XPO6: variants seen among roughly 807,000 people sequenced by gnomAD.
The protein encoded by XPO6 is exportin-6.
In XPO6, 3 loss-of-function variants were observed where a neutral mutation model predicts 130.0. The ratio of observed to expected loss-of-function variants is 0.02; its 90% CI spans 0.01 to 0.06. The LOEUF is 0.06. XPO6 is among the 10% of genes least tolerant of loss of function. The probability of loss-of-function intolerance (pLI) is 1.00; values close to 1 mark genes in which losing one functional copy is unlikely to be tolerated. For synonymous variants in XPO6, 524 were observed against 548.9 expected (o/e 0.95, Z 0.63); for missense variants, 970 against 1,393.0 (o/e 0.70, Z 4.83).
At chr16:28,107,419 C>A in intron 18 of XPO6, 103 bp downstream of exon 18, 1 of 1,370,860 alleles carries the variant, frequency 7.3e-7, no homozygotes, top group South Asian at 1.3e-5. Context: ...CGGAACAAGT[C>A]AAGGCCTGTA....
At chr16:28,147,901 G>A (rs1174469133) in intron 8 of XPO6, among the ~76,000 whole-genome samples, 5 of 152,156 alleles carry the variant, frequency 3.3e-5, no homozygotes, top group Admixed American at 6.5e-5. Flanking sequence ...AGCTGAGATC[G>A]TGCCACTGCA....
intron 13 of XPO6, among the ~76,000 whole-genome samples, chr16:28,125,353 A>G (rs2087369264): frequency 6.6e-6 from 1 of 152,232 alleles, no homozygotes; most frequent in South Asian, 2.1e-4. Context: ...CTGGGTCTAC[A>G]ACTGTGTTTA....
chr16:28,195,926 A>G (rs944949985), intron 1 of XPO6, among the ~76,000 whole-genome samples: 12 of 152,230 alleles, frequency 7.9e-5, no homozygotes, highest in African/African-American at 2.9e-4. Flanking sequence ...TAGGCTGGTT[A>G]TTTTTTTGAT....
At chr16:28,175,396 C>G (rs932380631) in intron 4 of XPO6, among the ~76,000 whole-genome samples, 1 of 152,138 alleles carries the variant, frequency 6.6e-6, no homozygotes, top group Non-Finnish European at 1.5e-5. Context: ...ACAATGGAAC[C>G]CCCCAACCCT....
intron 5 of XPO6, 139 bp downstream of exon 5, chr16:28,169,611 G>T: frequency 9.9e-7 from 1 of 1,014,988 alleles, no homozygotes; most frequent in Non-Finnish European, 1.5e-6. Flanking sequence ...TGGGCTATAG[G>T]TGTTGGGAAC....
At chr16:28,141,032 C>T (rs145872385) in intron 9 of XPO6, among the ~76,000 whole-genome samples, 8 of 152,344 alleles carry the variant, frequency 5.3e-5, no homozygotes, top group African/African-American at 7.2e-5. Context: ...AGAGCAAGAA[C>T]TAGAAAGCTG....
At chr16:28,142,612 C>G (rs2042914375) in intron 9 of XPO6, among the ~76,000 whole-genome samples, 1 of 152,080 alleles carries the variant, frequency 6.6e-6, no homozygotes, top group East Asian at 1.9e-4. Context: ...GCTCTGTCGC[C>G]CAGGCTGGAG....
At chr16:28,131,275 G>A (rs535565778) in intron 12 of XPO6, among the ~76,000 whole-genome samples, 36 of 152,254 alleles carry the variant, frequency 2.4e-4, no homozygotes, top group African/African-American at 7.2e-4. Flanking sequence ...GAAACCAGCC[G>A]TCACAGACCA....
intron 9 of XPO6, among the ~76,000 whole-genome samples, chr16:28,138,334 G>C (rs1272655972): frequency 6.6e-6 from 1 of 152,134 alleles, no homozygotes; most frequent in African/African-American, 2.4e-5. Flanking sequence ...CTTCAGACCA[G>C]AGGACAGATG....
At chr16:28,099,034 C>T (rs142181917) in intron 23 of XPO6, among the ~76,000 whole-genome samples, 1 of 152,338 alleles carries the variant, frequency 6.6e-6, no homozygotes, top group Non-Finnish European at 1.5e-5. Context: ...CTCCTGAGTC[C>T]GGCCCCTCAA....
intron 6 of XPO6, among the ~76,000 whole-genome samples, 191 bp downstream of exon 6, chr16:28,166,317 T>C (rs1165041176): frequency 6.6e-6 from 1 of 152,072 alleles, no homozygotes; most frequent in Non-Finnish European, 1.5e-5. Flanking sequence ...CCTAGGACTA[T>C]TTTTTTAATG....
intron 11 of XPO6, 96 bp downstream of exon 11, chr16:28,133,745 A>G: frequency 7.5e-6 from 8 of 1,065,234 alleles, no homozygotes; most frequent in Non-Finnish European, 1.1e-5. Flanking sequence ...TAGAGGGGAA[A>G]GAGGGGAGAG....
chr16:28,182,177 T>C (rs1209753761), intron 1 of XPO6, among the ~76,000 whole-genome samples: 2 of 152,192 alleles, frequency 1.3e-5, no homozygotes, highest in African/African-American at 4.8e-5. Context: ...AACCATGGAC[T>C]GAGACCTGAC....
intron 3 of XPO6, among the ~76,000 whole-genome samples, chr16:28,176,556 G>A (rs972447321): frequency 2.0e-5 from 3 of 151,192 alleles, no homozygotes; most frequent in South Asian, 2.1e-4. Context: ...GGAGTGCAGT[G>A]GTGCAATCTC....
At chr16:28,189,635 T>C (rs2043754164) in intron 1 of XPO6, among the ~76,000 whole-genome samples, 2 of 152,052 alleles carry the variant, frequency 1.3e-5, no homozygotes, top group Non-Finnish European at 2.9e-5. Flanking sequence ...CCACAGCATG[T>C]AACAGGACTG....
chr16:28,198,687 T>A (rs1460311655), intron 1 of XPO6, among the ~76,000 whole-genome samples: 4 of 151,668 alleles, frequency 2.6e-5, no homozygotes, highest in Non-Finnish European at 5.9e-5. Context: ...AAAAGAAAAT[T>A]TTTAAAAAAT....
At chr16:28,154,701 CATA>C (rs547859517) in intron 7 of XPO6, 13 of 152,242 alleles carry the variant, frequency 8.5e-5, no homozygotes, top group Admixed American at 8.5e-4. Flanking sequence ...ATAGACAATC[CATA>C]ATGACATTTC....
At chr16:28,120,874 T>G (rs965695320) in intron 14 of XPO6, among the ~76,000 whole-genome samples, 9 of 152,244 alleles carry the variant, frequency 5.9e-5, no homozygotes, top group African/African-American at 2.2e-4. Context: ...TCTACTCTGC[T>G]GCTATAGTGC....
At chr16:28,184,503 T>A (rs1329670598) in intron 1 of XPO6, among the ~76,000 whole-genome samples, 2 of 150,234 alleles carry the variant, frequency 1.3e-5, no homozygotes, top group Non-Finnish European at 3.0e-5. Flanking sequence ...GATGGCACAA[T>A]GGAGAGAGTG....
Sources: allele counts gnomAD v4.1 joint callset (sites outside exome capture counted in the v4.1 genomes callset), GRCh38; gene constraint gnomAD v4.1.1; transcripts MANE v1.5; gene names NCBI Gene and HGNC (gene_info 2026-07-23, HGNC 2026-07-21).